CNTNAP2: variants seen among roughly 807,000 people sequenced by gnomAD.
CNTNAP2 encodes the protein contactin associated protein 2.
Under a neutral mutation model 155.2 loss-of-function variants are expected in CNTNAP2, and 98 were observed. That is an observed-to-expected ratio of 0.63 (90% CI 0.54 to 0.75). CNTNAP2 has a LOEUF of 0.75. Ranked by LOEUF, CNTNAP2 falls within the 30% of genes least tolerant of loss-of-function variation. CNTNAP2 has a pLI of 0.00. For synonymous variants in CNTNAP2, 651 were observed against 631.2 expected (o/e 1.03, Z -0.47); for missense variants, 1,727 against 1,688.1 (o/e 1.02, Z -0.40).
At chr7:148,059,461 C>A (rs1318791257) in intron 15 of CNTNAP2, among the ~76,000 whole-genome samples, 3 of 151,706 alleles carry the variant, frequency 2.0e-5, no homozygotes, top group African/African-American at 7.3e-5. Flanking sequence ...TGTGGTGGTG[C>A]ATGCCTGTAA....
At chr7:146,476,163 T>G (rs1183066402) in intron 1 of CNTNAP2, among the ~76,000 whole-genome samples, 1 of 152,170 alleles carries the variant, frequency 6.6e-6, no homozygotes, top group Non-Finnish European at 1.5e-5. Context: ...CAACTTCACC[T>G]TTATTTTTCT....
intron 11 of CNTNAP2, among the ~76,000 whole-genome samples, chr7:147,486,727 T>A (rs1798517279): frequency 6.6e-6 from 1 of 152,194 alleles, no homozygotes; most frequent in Non-Finnish European, 1.5e-5. Context: ...ACTTAAAAAA[T>A]TTAATGCTAA....
intron 15 of CNTNAP2, among the ~76,000 whole-genome samples, chr7:148,083,591 C>T (rs994445895): frequency 1.3e-5 from 2 of 152,158 alleles, no homozygotes; most frequent in African/African-American, 2.4e-5. Flanking sequence ...AGGGCAGAAA[C>T]ATTCAAACAT....
At chr7:148,348,635 G>A (rs1330705307) in intron 21 of CNTNAP2, among the ~76,000 whole-genome samples, 2 of 152,162 alleles carry the variant, frequency 1.3e-5, no homozygotes, top group African/African-American at 2.4e-5. Flanking sequence ...AGGCCAAAGC[G>A]GCTCAGGCAC....
chr7:146,128,254 G>T (rs1797666020), intron 1 of CNTNAP2, among the ~76,000 whole-genome samples: 1 of 152,076 alleles, frequency 6.6e-6, no homozygotes, highest in South Asian at 2.1e-4. Flanking sequence ...ATCATATTAG[G>T]TACTGTACTG....
intron 18 of CNTNAP2, among the ~76,000 whole-genome samples, chr7:148,199,655 T>C (rs1795336181): frequency 2.0e-5 from 3 of 152,216 alleles, no homozygotes; most frequent in South Asian, 2.1e-4. Flanking sequence ...CTAGTTCAAA[T>C]TGAGATTGTG....
chr7:147,342,531 A>C (rs1207249949), intron 9 of CNTNAP2, among the ~76,000 whole-genome samples: 1 of 152,166 alleles, frequency 6.6e-6, no homozygotes, highest in Non-Finnish European at 1.5e-5. Flanking sequence ...TTCTATTTAT[A>C]TTTGGTTGTT....
chr7:146,525,558 A>G (rs1563119526), intron 1 of CNTNAP2, among the ~76,000 whole-genome samples: 1 of 147,116 alleles, frequency 6.8e-6, no homozygotes, highest in East Asian at 1.9e-4. Context: ...CTATCTATCT[A>G]TCTATCTATC....
intron 3 of CNTNAP2, among the ~76,000 whole-genome samples, chr7:146,859,973 T>C (rs1400308747): frequency 6.6e-6 from 1 of 152,114 alleles, no homozygotes; most frequent in East Asian, 1.9e-4. Flanking sequence ...AGAGGATCAA[T>C]TGCTTTAAGA....
chr7:148,228,715 C>A (rs921586194), intron 19 of CNTNAP2, among the ~76,000 whole-genome samples: 8 of 118,188 alleles, frequency 6.8e-5, no homozygotes, highest in African/African-American at 2.4e-4. Context: ...GTAGTCCCAG[C>A]TACTGGGGAT....
chr7:146,450,076 G>A (rs955124990), intron 1 of CNTNAP2, among the ~76,000 whole-genome samples: 1 of 152,052 alleles, frequency 6.6e-6, no homozygotes, highest in African/African-American at 2.4e-5. Flanking sequence ...TACCAACACT[G>A]TTTCTACGTT....
chr7:146,484,562 A>G (rs1322612804), intron 1 of CNTNAP2, among the ~76,000 whole-genome samples: 2 of 152,158 alleles, frequency 1.3e-5, no homozygotes, highest in South Asian at 2.1e-4. Context: ...AATCTTTTTC[A>G]TAAGGATGAA....
intron 11 of CNTNAP2, among the ~76,000 whole-genome samples, chr7:147,556,661 G>A (rs931743164): frequency 1.3e-5 from 2 of 152,128 alleles, no homozygotes; most frequent in Admixed American, 1.3e-4. Flanking sequence ...CTATAATCTG[G>A]AAAAGGCAAG....
chr7:147,525,143 T>C (rs1415600147), intron 11 of CNTNAP2, among the ~76,000 whole-genome samples: 1 of 152,218 alleles, frequency 6.6e-6, no homozygotes, highest in Non-Finnish European at 1.5e-5. Context: ...AATTTTTGCT[T>C]AACATATTTG....
At chr7:146,363,902 G>T (rs1795119813) in intron 1 of CNTNAP2, among the ~76,000 whole-genome samples, 1 of 152,144 alleles carries the variant, frequency 6.6e-6, no homozygotes, top group South Asian at 2.1e-4. Context: ...GAAAATGTTG[G>T]CTATGTAGAC....
Position 147,639,211 on chromosome 7 carries a change from C to T in CNTNAP2, c.2003C>T (p.Ser668Phe). 3.7e-6 allele frequency: 6 copies of T among 1,614,128 alleles called. No homozygotes were observed. Among genetic ancestry groups the T allele is most frequent in the Non-Finnish European group, 5.1e-6 (6 of 1,180,000 alleles). The change falls in exon 13 of 24, where the codon TCC (serine) becomes TTC (phenylalanine). Residue 668 changes from serine to phenylalanine, a missense_variant. By Grantham distance (155) the Ser-to-Phe change is radical. Coordinates refer to ENST00000361727, the MANE Select transcript of CNTNAP2 (RefSeq NM_014141.6). ...YSVTQLVYSA[S>F]MDQISAITDS... is the part of the protein sequence containing the mutation. ...GTGACACAGCTCGTTTACAGCGCCT[C>T]CATGGACCAGATAAGTGCCATCACT... is the stretch of plus-strand genomic sequence containing the variant.
At chr7:146,527,659 A>G (rs554212949) in intron 1 of CNTNAP2, among the ~76,000 whole-genome samples, 2 of 152,034 alleles carry the variant, frequency 1.3e-5, no homozygotes, top group Non-Finnish European at 2.9e-5. Context: ...CCTATGCATC[A>G]GAATCCATGT....
At chr7:147,224,860 C>T (rs182416683) in intron 8 of CNTNAP2, among the ~76,000 whole-genome samples, 7 of 152,210 alleles carry the variant, frequency 4.6e-5, no homozygotes, top group African/African-American at 1.7e-4. Flanking sequence ...TATTCCTGTA[C>T]TTTATTTAAC....
intron 16 of CNTNAP2, among the ~76,000 whole-genome samples, chr7:148,119,926 A>C (rs1168416034): frequency 6.6e-6 from 1 of 151,948 alleles, no homozygotes. Context: ...TTAACTAATT[A>C]ATTAAAATCC....
Sources: gnomAD v4.1 joint callset for allele counts (sites outside exome capture counted in the v4.1 genomes callset) on GRCh38, gnomAD v4.1.1 for gene constraint, MANE v1.5 for transcripts, NCBI Gene and HGNC (gene_info 2026-07-23, HGNC 2026-07-21) for gene names.